Variants in CAST observed in about 807,000 individuals in gnomAD.
CAST encodes the protein calpastatin.
Under a neutral mutation model 119.6 loss-of-function variants are expected in CAST, and 76 were observed. The observed-to-expected ratio is 0.64, with a 90% CI of 0.53 to 0.77. CAST has a LOEUF of 0.77. CAST is among the 30% of genes least tolerant of loss of function. The probability of loss-of-function intolerance (pLI) is 0.00; values close to 1 mark genes in which losing one functional copy is unlikely to be tolerated. For missense variants in CAST, 953 were observed against 946.5 expected (o/e 1.01, Z -0.09); for synonymous variants, 319 against 331.6 (o/e 0.96, Z 0.41).
chr5:96,323,403 T>C, the CAST span, among the ~76,000 whole-genome samples: 1 of 152,222 alleles, frequency 6.6e-6, no homozygotes, highest in Non-Finnish European at 1.5e-5. Flanking sequence ...TTATGTTGTT[T>C]CTTATGACAA....
At chr5:96,066,727 A>C in the CAST span, among the ~76,000 whole-genome samples, 1 of 152,006 alleles carries the variant, frequency 6.6e-6, no homozygotes, top group African/African-American at 2.4e-5. Context: ...TGGTGTGATC[A>C]TACCTTACTG....
chr5:96,679,387 A>G (rs138776649), intron 2 of CAST: 53 of 152,358 alleles, frequency 3.5e-4, no homozygotes, highest in African/African-American at 1.2e-3. Flanking sequence ...AGAGAGGAGG[A>G]AAAAGAAAAA....
chr5:96,756,447 C>T (rs1392570090), intron 22 of CAST, among the ~76,000 whole-genome samples: 3 of 152,166 alleles, frequency 2.0e-5, no homozygotes, highest in Non-Finnish European at 4.4e-5. Flanking sequence ...TCTGACATGC[C>T]TGGGGACCAG....
At chr5:96,714,506 G>T (rs1014382735) in intron 3 of CAST, 1 of 152,170 alleles carries the variant, frequency 6.6e-6, no homozygotes, top group Admixed American at 6.5e-5. Flanking sequence ...CTCCTGTAGT[G>T]CCTGTTAACA....
At chr5:96,623,198 CTGTCCTCTGCTGTGATTGTGTCTTAG>C (rs1351966270) in intron 1 of CAST, among the ~76,000 whole-genome samples, 2 of 152,126 alleles carry the variant, frequency 1.3e-5, no homozygotes. Context: ...ATACCCTTTT[CTGTCCTCTGCTGTGATTGTGTCTTAG>C]TGACAGGTCA....
At chr5:96,756,491 G>A (rs530933642) in intron 22 of CAST, among the ~76,000 whole-genome samples, 1 of 152,306 alleles carries the variant, frequency 6.6e-6, no homozygotes, top group East Asian at 1.9e-4. Context: ...TCTGGATTTT[G>A]GAATATTTGC....
chr5:96,214,246 A>G, the CAST span, among the ~76,000 whole-genome samples: 1 of 152,214 alleles, frequency 6.6e-6, no homozygotes, highest in Non-Finnish European at 1.5e-5. Flanking sequence ...ATAAGAAATA[A>G]TTTTGAAGAA....
the CAST span, among the ~76,000 whole-genome samples, chr5:96,192,757 A>G: frequency 6.6e-6 from 1 of 152,176 alleles, no homozygotes; most frequent in African/African-American, 2.4e-5. Context: ...GCTACTTCCA[A>G]ACAAAACCCT....
At chr5:96,151,933 A>G in the CAST span, among the ~76,000 whole-genome samples, 160 of 152,326 alleles carry the variant, frequency 1.1e-3, 1 homozygote, top group African/African-American at 3.5e-3. Flanking sequence ...CCCAGAGAAC[A>G]TCCTTCTTTG....
the CAST span, among the ~76,000 whole-genome samples, chr5:96,161,933 G>T: frequency 6.6e-6 from 1 of 152,142 alleles, no homozygotes; most frequent in African/African-American, 2.4e-5. Context: ...CTAGCAGATA[G>T]AAATACGATT....
the CAST span, among the ~76,000 whole-genome samples, chr5:96,452,614 A>G: frequency 4.9e-5 from 7 of 141,442 alleles, no homozygotes; most frequent in Non-Finnish European, 7.5e-5. Context: ...CACATTCTGC[A>G]CAGGTGTCCA....
At chr5:95,964,558 T>C in the CAST span, among the ~76,000 whole-genome samples, 2 of 152,194 alleles carry the variant, frequency 1.3e-5, no homozygotes, top group Admixed American at 6.5e-5. Flanking sequence ...AGGAGAAGTC[T>C]GAAGAGGTTT....
At chr5:96,654,027 CTTTT>C (rs71617134) in intron 1 of CAST, among the ~76,000 whole-genome samples, 3 of 126,954 alleles carry the variant, frequency 2.4e-5, no homozygotes, top group Admixed American at 7.7e-5. Flanking sequence ...CTTTTCTTTT[CTTTT>C]TTTTTTTTTT....
chr5:96,318,534 T>G, the CAST span: 2 of 152,226 alleles, frequency 1.3e-5, no homozygotes, highest in African/African-American at 4.8e-5. Context: ...GCTTTCTTGG[T>G]ACTGTTCAAA....
Position 96,774,224 on chromosome 5 carries a change from T to G in CAST, c.*1608T>G, listed in dbSNP as rs1325342192. On this transcript the variant is annotated 3_prime_UTR_variant, in exon 32 of 32. Coordinates refer to ENST00000675179, the MANE Select transcript of CAST (RefSeq NM_001750.7). ...ACACTGACAGATGTGTTTGCAAGGA[T>G]ACGGCTTCAGTATTACTAATTTCCA... 2 of 154,070 alleles carry G rather than the reference T, an allele frequency of 1.3e-5. No homozygotes were observed. Among genetic ancestry groups the G allele is most frequent in the African/African-American group, 4.8e-5 (2 of 41,454 alleles). The allele number at this position is 154,070 out of a possible 1,614,324, so 9.5% of individuals were successfully genotyped here.
the CAST span, among the ~76,000 whole-genome samples, chr5:96,516,607 G>A: frequency 1.1e-4 from 16 of 152,150 alleles, no homozygotes; most frequent in Non-Finnish European, 1.9e-4. Context: ...AAGAAGAAAT[G>A]CAATTAATTC....
rs1197752008 is a variant in CAST at position 96,695,908 on chromosome 5, G to T, written c.210+1G>T. The T allele has an allele frequency of 5.0e-6, 8 of 1,609,614 alleles. No homozygotes were observed. The highest frequency in any genetic ancestry group is 5.9e-6 in the Non-Finnish European group (7 of 1,176,714). On this transcript the variant is annotated splice_donor_variant, in intron 3 of 31. Transcript: ENST00000675179. LOFTEE classifies it high-confidence loss of function. ...TGGTGGAACAGCCTCGGCCACCAAG[G>T]TCAGTGATTTCCTGAACACGAAAAG...
At chr5:96,084,919 T>C in the CAST span, among the ~76,000 whole-genome samples, 1 of 152,168 alleles carries the variant, frequency 6.6e-6, no homozygotes, top group African/African-American at 2.4e-5. Context: ...AAACAACAAA[T>C]GCCCATGCTC....
chr5:96,154,491 A>G, the CAST span, among the ~76,000 whole-genome samples: 1 of 152,194 alleles, frequency 6.6e-6, no homozygotes, highest in Non-Finnish European at 1.5e-5. Flanking sequence ...TGATATTACT[A>G]TGGTACATTG....
Sources: gnomAD v4.1 joint callset for allele counts (sites outside exome capture counted in the v4.1 genomes callset) on GRCh38, gnomAD v4.1.1 for gene constraint, MANE v1.5 for transcripts, NCBI Gene and HGNC (gene_info 2026-07-23, HGNC 2026-07-21) for gene names.